Variants in SERINC1 observed in about 807,000 individuals in gnomAD.
SERINC1 encodes tumor differentially expressed protein 2.
A neutral mutation model predicts 52.9 loss-of-function variants in SERINC1; 38 were observed. The observed-to-expected ratio is 0.72, with a 90% CI of 0.55 to 0.94. SERINC1 has a LOEUF of 0.94. Among genes scored for constraint, SERINC1 ranks in the 40% least tolerant of loss-of-function variants. The probability of loss-of-function intolerance (pLI) is 0.00; values close to 1 mark genes in which losing one functional copy is unlikely to be tolerated. For missense variants in SERINC1, 471 were observed against 533.9 expected, an observed-to-expected ratio of 0.88 and a Z score of 1.16; for synonymous variants, 198 against 183.1, an observed-to-expected ratio of 1.08 and a Z score of -0.66.
At chr6:122,447,907 A>C (rs1774834903) in intron 7 of SERINC1, among the ~76,000 whole-genome samples, 1 of 152,090 alleles carries the variant, frequency 6.6e-6, no homozygotes, top group East Asian at 1.9e-4. Context: ...CAAGGTCAAG[A>C]GATAGAGATC....
At chr6:122,451,090 A>G (rs1774894597) in intron 7 of SERINC1, among the ~76,000 whole-genome samples, 2 of 152,136 alleles carry the variant, frequency 1.3e-5, no homozygotes, top group Admixed American at 1.3e-4. Context: ...ACAGAGAAAT[A>G]TTTTGTGAAA....
chr6:122,452,597 A>G (rs1774930825), intron 5 of SERINC1, among the ~76,000 whole-genome samples: 1 of 152,228 alleles, frequency 6.6e-6, no homozygotes, highest in Non-Finnish European at 1.5e-5. Flanking sequence ...TGTAAATTTC[A>G]ACATACACAA....
At chr6:122,447,402 A>G in intron 7 of SERINC1, 137 bp from the exon 8 acceptor site, 1 of 598,090 alleles carries the variant, frequency 1.7e-6, no homozygotes, top group Non-Finnish European at 2.9e-6. Context: ...TATAACAAAA[A>G]TAATTGAAGA....
intron 1 of SERINC1, among the ~76,000 whole-genome samples, chr6:122,469,363 T>C (rs1323955503): frequency 6.7e-6 from 1 of 149,826 alleles, no homozygotes; most frequent in African/African-American, 2.4e-5. Context: ...TTTTTTTTTG[T>C]TCTGTTTTTT....
intron 1 of SERINC1, among the ~76,000 whole-genome samples, chr6:122,467,792 AATT>A (rs1775212913): frequency 6.6e-6 from 1 of 152,140 alleles, no homozygotes. Context: ...CATTTACCAA[AATT>A]ATTTAGTATT....
At chr6:122,458,390 G>A (rs960204717) in intron 2 of SERINC1, 130 bp downstream of exon 2, 1 of 544,818 alleles carries the variant, frequency 1.8e-6, no homozygotes, top group African/African-American at 1.9e-5. Context: ...AAAAGATTAT[G>A]AACTACAACT....
intron 2 of SERINC1, among the ~76,000 whole-genome samples, chr6:122,458,062 C>T (rs989708635): frequency 1.3e-5 from 2 of 151,994 alleles, no homozygotes; most frequent in Admixed American, 1.3e-4. Flanking sequence ...ATTTCAGGTC[C>T]GCTATTCTCT....
chr6:122,455,399 A>C (rs1582633491), intron 3 of SERINC1, among the ~76,000 whole-genome samples: 1 of 108,438 alleles, frequency 9.2e-6, no homozygotes, highest in African/African-American at 3.1e-5. Flanking sequence ...TAAAGCAGGC[A>C]AAAAAAAAAA....
intron 5 of SERINC1, 69 bp from the exon 6 acceptor site, chr6:122,452,126 GT>G: frequency 2.0e-6 from 2 of 1,011,398 alleles, no homozygotes; most frequent in Non-Finnish European, 2.7e-6. Flanking sequence ...AATGGGACCT[GT>G]TTTATAAACA....
chr6:122,458,744 G>T, intron 1 of SERINC1, 63 bp from the exon 2 acceptor site: 1 of 1,125,678 alleles, frequency 8.9e-7, no homozygotes, highest in Non-Finnish European at 1.3e-6. Flanking sequence ...ATCTTAAAAT[G>T]ATACAATGAA....
intron 7 of SERINC1, among the ~76,000 whole-genome samples, 191 bp downstream of exon 7, chr6:122,451,473 T>A (rs1774902522): frequency 6.6e-6 from 1 of 152,076 alleles, no homozygotes; most frequent in Non-Finnish European, 1.5e-5. Context: ...TAGGTATACA[T>A]GTAACCTTCT....
At chr6:122,445,311 C>T in intron 9 of SERINC1, 132 bp from the exon 10 acceptor site, 1 of 819,540 alleles carries the variant, frequency 1.2e-6, no homozygotes, top group East Asian at 2.7e-5. Flanking sequence ...ATTGCTGCAT[C>T]TAATCTGCTC....
chr6:122,470,156 A>G (rs1225575682), intron 1 of SERINC1, among the ~76,000 whole-genome samples: 1 of 152,210 alleles, frequency 6.6e-6, no homozygotes, highest in Non-Finnish European at 1.5e-5. Context: ...GCTGCAGTTC[A>G]CTACGACCAT....
chr6:122,447,417 T>C (rs1774825367), intron 7 of SERINC1, 152 bp from the exon 8 acceptor site: 1 of 564,794 alleles, frequency 1.8e-6, no homozygotes, highest in South Asian at 3.0e-5. Flanking sequence ...TGAAGAAAAC[T>C]TGCACTTATT....
intron 3 of SERINC1, among the ~76,000 whole-genome samples, chr6:122,454,765 T>A (rs565424252): frequency 1.3e-5 from 2 of 152,066 alleles, no homozygotes; most frequent in African/African-American, 4.8e-5. Flanking sequence ...ACCTGCTGAG[T>A]TGCTTGCTGA....
At chr6:122,455,795 G>A (rs935787517) in intron 3 of SERINC1, among the ~76,000 whole-genome samples, 1 of 152,090 alleles carries the variant, frequency 6.6e-6, no homozygotes, top group Admixed American at 6.6e-5. Context: ...GTGGGATAAT[G>A]TATCAAAGTA....
intron 3 of SERINC1, 77 bp downstream of exon 3, chr6:122,456,404 A>C (rs1473670275): frequency 4.5e-6 from 4 of 891,656 alleles, no homozygotes; most frequent in Admixed American, 3.0e-5. Flanking sequence ...TTTACCTTAA[A>C]GTTTCCTTGG....
chr6:122,446,662 T>C (rs1582628915), intron 9 of SERINC1, 112 bp downstream of exon 9: 1 of 681,780 alleles, frequency 1.5e-6, no homozygotes, highest in East Asian at 2.7e-5. Flanking sequence ...GCTGTACATT[T>C]TGAAATATAT....
chr6:122,450,592 G>C (rs948009499), intron 7 of SERINC1, among the ~76,000 whole-genome samples: 1 of 152,150 alleles, frequency 6.6e-6, no homozygotes, highest in Non-Finnish European at 1.5e-5. Flanking sequence ...TCCTCTGATA[G>C]ATCTGGGTGG....
Sources: gnomAD v4.1 joint callset for allele counts (sites outside exome capture counted in the v4.1 genomes callset) on GRCh38, gnomAD v4.1.1 for gene constraint, MANE v1.5 for transcripts, NCBI Gene and HGNC (gene_info 2026-07-23, HGNC 2026-07-21) for gene names.